The following TRMT44 variants were observed in gnomAD, a reference collection of about 807,000 sequenced individuals.
The protein encoded by TRMT44 is probable tRNA (uracil-O(2)-)-methyltransferase.
A neutral mutation model predicts 77.3 loss-of-function variants in TRMT44; 78 were observed. That is an observed-to-expected ratio of 1.01 (90% CI 0.84 to 1.22). TRMT44 has a LOEUF of 1.22. Among genes scored for constraint, TRMT44 ranks in the 50% most tolerant of loss-of-function variants. The pLI is 0.00. For missense variants in TRMT44, 1,090 were observed against 964.4 expected, an observed-to-expected ratio of 1.13 and a Z score of -1.73; for synonymous variants, 391 against 383.3, an observed-to-expected ratio of 1.02 and a Z score of -0.23.
chr4:8,444,599 T>C lies in TRMT44; in HGVS notation c.620-1877T>C, dbSNP rs557783654. 2.9e-4 allele frequency among the ~76,000 whole-genome samples: 44 copies of C among 152,356 alleles called. 1 individual carries two copies. Among genetic ancestry groups the C allele is most frequent in the Non-Finnish European group, 4.4e-4 (30 of 68,026 alleles). On this transcript the variant is annotated intron_variant, in intron 1 of 10. Coordinates refer to ENST00000389737, the MANE Select transcript of TRMT44 (RefSeq NM_152544.3). This position sits in a 1 kb window ranked among gnomAD's most constrained non-coding sequence, Gnocchi z 4.0. The stretch of plus-strand genomic sequence containing the variant: ...TTTTCGTAGAGATGGGGTTTCACCA[T>C]GTTGGCCAGACTGGTCTCCTACTCC...
At chr4:8,457,467 C>T (rs1001064008) in intron 6 of TRMT44, among the ~76,000 whole-genome samples, 1 of 152,132 alleles carries the variant, frequency 6.6e-6, no homozygotes, top group African/African-American at 2.4e-5. Flanking sequence ...GAGTTAACAC[C>T]AATGGTGTTG....
At chr4:8,448,742 T>A (rs1423723047) in intron 2 of TRMT44, among the ~76,000 whole-genome samples, 1 of 152,210 alleles carries the variant, frequency 6.6e-6, no homozygotes, top group Non-Finnish European at 1.5e-5. Context: ...CTTGTGTCCC[T>A]CTAATGCACC....
At chr4:8,453,970 C>G (rs1701249241) in intron 5 of TRMT44, among the ~76,000 whole-genome samples, 1 of 152,136 alleles carries the variant, frequency 6.6e-6, no homozygotes, top group Admixed American at 6.5e-5. Context: ...ATCATAATAC[C>G]TATAAGCTGG....
chr4:8,499,729 G>C, the TRMT44 span, among the ~76,000 whole-genome samples: 1 of 152,296 alleles, frequency 6.6e-6, no homozygotes, highest in East Asian at 1.9e-4. Flanking sequence ...TGGGCAGAAA[G>C]AGGGGGATCA....
downstream of TRMT44, among the ~76,000 whole-genome samples, chr4:8,481,034 T>C (rs1727596422): frequency 6.6e-6 from 1 of 152,224 alleles, no homozygotes; most frequent in Non-Finnish European, 1.5e-5. Context: ...AGATTAAAAC[T>C]CTAGCACCTT....
intron 2 of TRMT44, among the ~76,000 whole-genome samples, chr4:8,483,251 A>G (rs1298763815): frequency 6.6e-6 from 1 of 152,168 alleles, no homozygotes; most frequent in Non-Finnish European, 1.5e-5. Flanking sequence ...TTACTTCAAG[A>G]GTTAAGAGTA....
chr4:8,474,198 TG>T (rs1021865165), intron 10 of TRMT44, among the ~76,000 whole-genome samples: 1 of 152,164 alleles, frequency 6.6e-6, no homozygotes, highest in African/African-American at 2.4e-5. Context: ...CCTCACTGTT[TG>T]GGATCATGGG....
At chr4:8,490,867 C>T (rs958261481) in intron 2 of TRMT44, among the ~76,000 whole-genome samples, 3 of 152,150 alleles carry the variant, frequency 2.0e-5, no homozygotes, top group East Asian at 1.9e-4. Context: ...CTGATTGGTG[C>T]GTTTACAATC....
At position 8,468,165 on chromosome 4, in the gene TRMT44, A is replaced by G. The variant is rs375774216; in HGVS notation, c.1746A>G (p.Glu582=). The part of the protein sequence containing the change: ...AAEHGAGPQA[E]GPWLPGFHPR... ...AGCATGGAGCAGGGCCCCAGGCTGA[A>G]GGACCCTGGCTACCTGGATTTCATC... The change falls in exon 9 of 11, where the codon GAA becomes GAG. Residue 582 remains glutamate (E), a synonymous_variant. Coordinates refer to ENST00000389737, the MANE Select transcript of TRMT44 (RefSeq NM_152544.3). 1.9e-5 allele frequency: 30 copies of G among 1,614,028 alleles called. No individual in the cohort carries two copies. In the African/African-American group the frequency reaches 3.3e-4, roughly 18 times the overall value.
intron 2 of TRMT44, among the ~76,000 whole-genome samples, chr4:8,488,692 G>C (rs1727897222): frequency 6.6e-6 from 1 of 152,228 alleles, no homozygotes; most frequent in African/African-American, 2.4e-5. Context: ...GGCTTGGCTT[G>C]GGCTCAGAGG....
intron 2 of TRMT44, among the ~76,000 whole-genome samples, chr4:8,487,884 C>A (rs530467529): frequency 6.6e-6 from 1 of 152,110 alleles, no homozygotes; most frequent in African/African-American, 2.4e-5. Context: ...GTCAGAGAGG[C>A]GTCCCTGCAA....
chr4:8,493,801 C>G (rs927249506), downstream of TRMT44, among the ~76,000 whole-genome samples: 3 of 151,970 alleles, frequency 2.0e-5, no homozygotes, highest in Non-Finnish European at 4.4e-5. Context: ...CCTTGCTCAT[C>G]AGGGCCACAG....
chr4:8,449,240 C>T (rs529215578), intron 2 of TRMT44, among the ~76,000 whole-genome samples: 5 of 152,340 alleles, frequency 3.3e-5, no homozygotes, highest in African/African-American at 1.2e-4. Context: ...TGCACAGCAG[C>T]CTTTATCTCT....
At chr4:8,447,367 G>T (rs572069789) in intron 2 of TRMT44, among the ~76,000 whole-genome samples, 23 of 152,182 alleles carry the variant, frequency 1.5e-4, no homozygotes, top group Non-Finnish European at 3.1e-4. Context: ...AAAGTCAGAG[G>T]AGGGGTGAAT....
At chr4:8,469,392 T>C (rs1254835602) in intron 9 of TRMT44, among the ~76,000 whole-genome samples, 2 of 152,154 alleles carry the variant, frequency 1.3e-5, no homozygotes, top group Non-Finnish European at 2.9e-5. Flanking sequence ...GGAAGAAGGC[T>C]GAGGCTGGCA....
chr4:8,464,019 T>A lies in TRMT44; in HGVS notation c.1238T>A (p.Phe413Tyr), dbSNP rs1469530225. The change falls in exon 7 of 11, where the codon TTC (phenylalanine) becomes TAC (tyrosine). Residue 413 changes from phenylalanine to tyrosine, a missense_variant. By Grantham distance (22) the Phe-to-Tyr change is conservative. Coordinates refer to ENST00000389737, the MANE Select transcript of TRMT44 (RefSeq NM_152544.3). ...ATCACACCCAATGATAAGACCCTTT[T>A]CCCTGATGTTGATTGGTTAATCGGT... Reference protein sequence around the residue: ...DAITPNDKTLFPDVDWLIGNH... With the variant: ...DAITPNDKTLYPDVDWLIGNH... 1 of 1,614,156 alleles carries A rather than the reference T, an allele frequency of 6.2e-7. No homozygotes were observed.
intron 1 of TRMT44, among the ~76,000 whole-genome samples, chr4:8,443,095 C>T (rs1724852869): frequency 6.6e-6 from 1 of 152,206 alleles, no homozygotes; most frequent in African/African-American, 2.4e-5. Context: ...CTGATGGCTC[C>T]CAATACTGTC....
intron 6 of TRMT44, among the ~76,000 whole-genome samples, chr4:8,455,798 G>A (rs1383622629): frequency 2.0e-5 from 3 of 152,036 alleles, no homozygotes; most frequent in African/African-American, 7.3e-5. Flanking sequence ...GCTGGCCCTT[G>A]AACAACACGG....
At chr4:8,500,682 A>C in the TRMT44 span, among the ~76,000 whole-genome samples, 3 of 146,508 alleles carry the variant, frequency 2.0e-5, no homozygotes, top group African/African-American at 7.6e-5. Context: ...TTTGAGGCAG[A>C]GTCTCACTCT....
Sources: gnomAD v4.1 joint callset for allele counts (sites outside exome capture counted in the v4.1 genomes callset) on GRCh38, gnomAD v4.1.1 for gene constraint, Gnocchi (gnomAD v3.1) non-coding constraint, MANE v1.5 for transcripts, NCBI Gene and HGNC (gene_info 2026-07-23, HGNC 2026-07-21) for gene names.